WDR7: variants seen among roughly 807,000 people sequenced by gnomAD.
WDR7 encodes WD repeat-containing protein 7.
A neutral mutation model predicts 169.4 loss-of-function variants in WDR7; 46 were observed. The ratio of observed to expected loss-of-function variants is 0.27; its 90% CI spans 0.21 to 0.35. The LOEUF (loss-of-function observed/expected upper bound fraction) is 0.35. Among genes scored for constraint, WDR7 ranks in the 10% least tolerant of loss-of-function variants. The pLI is 1.00. For missense variants in WDR7, 1,534 were observed against 1,859.3 expected (o/e 0.83, Z 3.22); for synonymous variants, 612 against 666.8 (o/e 0.92, Z 1.27).
At chr18:57,004,344 CAATT>C (rs1315107770) in intron 26 of WDR7, among the ~76,000 whole-genome samples, 2 of 152,110 alleles carry the variant, frequency 1.3e-5, no homozygotes, top group African/African-American at 4.8e-5. Flanking sequence ...CTACAGTAGA[CAATT>C]AAGTTCCTTG....
At chr18:56,843,435 C>A (rs1258683297) in intron 20 of WDR7, among the ~76,000 whole-genome samples, 3 of 152,126 alleles carry the variant, frequency 2.0e-5, no homozygotes, top group Non-Finnish European at 2.9e-5. Context: ...ATGAATTTGG[C>A]TAATGTAGGT....
At chr18:56,967,297 A>C (rs1599202096) in intron 26 of WDR7, among the ~76,000 whole-genome samples, 1 of 152,186 alleles carries the variant, frequency 6.6e-6, no homozygotes, top group South Asian at 2.1e-4. Flanking sequence ...GAGATCAGAA[A>C]CTTTGATGCA....
intron 26 of WDR7, among the ~76,000 whole-genome samples, chr18:56,979,692 T>C (rs1599214808): frequency 6.6e-6 from 1 of 152,348 alleles, no homozygotes; most frequent in East Asian, 1.9e-4. Context: ...ATTTAACAAA[T>C]AGTATTTACC....
intron 21 of WDR7, among the ~76,000 whole-genome samples, chr18:56,890,097 A>G (rs1247855006): frequency 1.3e-5 from 2 of 152,320 alleles, no homozygotes; most frequent in East Asian, 3.9e-4. Flanking sequence ...GCCATTAAAT[A>G]AAAATGGATA....
intron 16 of WDR7, among the ~76,000 whole-genome samples, chr18:56,759,359 T>C (rs2043947641): frequency 6.6e-6 from 1 of 152,188 alleles, no homozygotes; most frequent in Admixed American, 6.5e-5. Context: ...TTGTGATTCA[T>C]AAGTGGAAAT....
chr18:56,785,888 A>G (rs1031913912), intron 19 of WDR7, among the ~76,000 whole-genome samples: 1 of 148,080 alleles, frequency 6.8e-6, no homozygotes, highest in Admixed American at 6.7e-5. Flanking sequence ...CTGGACTTGA[A>G]CTCCTAGGCT....
intron 25 of WDR7, among the ~76,000 whole-genome samples, chr18:56,945,489 G>T (rs1198279779): frequency 6.6e-6 from 1 of 152,192 alleles, no homozygotes; most frequent in African/African-American, 2.4e-5. Context: ...GGTAGTTTTA[G>T]AGATTCCGTG....
At chr18:56,965,772 G>A (rs2047400522) in intron 26 of WDR7, among the ~76,000 whole-genome samples, 1 of 152,018 alleles carries the variant, frequency 6.6e-6, no homozygotes, top group Admixed American at 6.6e-5. Context: ...AATTGAGGAG[G>A]AAGAGTCAAC....
chr18:56,719,404 T>C (rs1050141883), intron 13 of WDR7, among the ~76,000 whole-genome samples: 1 of 151,888 alleles, frequency 6.6e-6, no homozygotes, highest in Non-Finnish European at 1.5e-5. Context: ...CTACTAAAAA[T>C]ACAAAAAATT....
chr18:56,812,038 A>G (rs2044877767), intron 19 of WDR7, among the ~76,000 whole-genome samples: 1 of 152,210 alleles, frequency 6.6e-6, no homozygotes, highest in Non-Finnish European at 1.5e-5. Context: ...AAATCTGTAT[A>G]TCAGTCAATT....
intron 19 of WDR7, among the ~76,000 whole-genome samples, chr18:56,802,719 A>C (rs1030611043): frequency 6.6e-6 from 1 of 152,074 alleles, no homozygotes; most frequent in African/African-American, 2.4e-5. Context: ...AAACCCTTAA[A>C]TAAATATATA....
intron 1 of WDR7, among the ~76,000 whole-genome samples, chr18:56,670,347 G>A (rs974030164): frequency 2.0e-5 from 3 of 152,030 alleles, no homozygotes; most frequent in Admixed American, 1.3e-4. Flanking sequence ...CCTATACTCC[G>A]TAGTCCTGAA....
chr18:57,013,163 G>C (rs2048160419), intron 26 of WDR7, among the ~76,000 whole-genome samples: 1 of 152,100 alleles, frequency 6.6e-6, no homozygotes, highest in Admixed American at 6.5e-5. Flanking sequence ...CTCATAAGGA[G>C]GGCACAACCT....
intron 13 of WDR7, among the ~76,000 whole-genome samples, chr18:56,725,126 G>T (rs541297737): frequency 6.6e-6 from 1 of 150,774 alleles, no homozygotes; most frequent in South Asian, 2.1e-4. Flanking sequence ...GTGTGCATGT[G>T]TCTTTATAGC....
At chr18:56,968,263 AG>A (rs2047439073) in intron 26 of WDR7, among the ~76,000 whole-genome samples, 1 of 152,238 alleles carries the variant, frequency 6.6e-6, no homozygotes, top group Non-Finnish European at 1.5e-5. Flanking sequence ...CCTGGTATAT[AG>A]TAGATGCACA....
chr18:56,702,439 T>C (rs1467515113), intron 12 of WDR7, among the ~76,000 whole-genome samples: 1 of 152,234 alleles, frequency 6.6e-6, no homozygotes, highest in African/African-American at 2.4e-5. Flanking sequence ...AACATTTTCC[T>C]TAACAAACCA....
intron 16 of WDR7, among the ~76,000 whole-genome samples, chr18:56,767,648 T>A (rs2044088007): frequency 4.6e-5 from 7 of 152,226 alleles, no homozygotes; most frequent in Admixed American, 4.6e-4. Flanking sequence ...TGGCCAGAAG[T>A]GGAAGTTCCT....
intron 27 of WDR7, among the ~76,000 whole-genome samples, chr18:57,022,552 A>C (rs926715640): frequency 6.6e-6 from 1 of 152,232 alleles, no homozygotes; most frequent in Non-Finnish European, 1.5e-5. Context: ...TTATATAAGA[A>C]ATACCTCACA....
Position 56,843,466 on chromosome 18 carries a change from A to T in WDR7, c.3304+27322A>T, listed in dbSNP as rs896280805. On this transcript the variant is annotated intron_variant, in intron 20 of 27. Transcript: ENST00000254442. ...TAGGTAGTTCATATAAGTGGAATCA[A>T]ATAAGTGTCTGGCTTATTTCACTTA... Among the ~76,000 whole-genome samples, 38 of 152,344 alleles carry T rather than the reference A, an allele frequency of 2.5e-4. 1 individual carries two copies. The highest frequency in any genetic ancestry group is 8.7e-4 in the African/African-American group (36 of 41,580).
Sources: gnomAD v4.1 joint callset for allele counts (sites outside exome capture counted in the v4.1 genomes callset) on GRCh38, gnomAD v4.1.1 for gene constraint, MANE v1.5 for transcripts, NCBI Gene and HGNC (gene_info 2026-07-23, HGNC 2026-07-21) for gene names.